The following MALRD1 variants were observed in gnomAD, a reference collection of about 807,000 sequenced individuals.
MALRD1 encodes MAM and LDL-receptor class A domain-containing protein 1.
MALRD1 carries 247 observed loss-of-function variants against 242.1 expected under a neutral mutation model. The ratio of observed to expected loss-of-function variants is 1.02; its 90% confidence interval spans 0.92 to 1.13. MALRD1 has a LOEUF of 1.13. Among genes scored for constraint, MALRD1 ranks in the 50% most tolerant of loss-of-function variants. MALRD1 has a pLI of 0.00. For missense variants in MALRD1, 2,989 were observed against 2,533.1 expected (o/e 1.18, Z -3.86); for synonymous variants, 995 against 866.6 (o/e 1.15, Z -2.60).
Position 19,530,386 on chromosome 10 carries a change from A to G in MALRD1, c.5321-808A>G, listed in dbSNP as rs1393586888. Among the ~76,000 whole-genome samples, 4 of 70,956 alleles carry G rather than the reference A, an allele frequency of 5.6e-5. 2 individuals carry two copies. The highest frequency in any genetic ancestry group is 8.8e-5 in the Non-Finnish European group (4 of 45,710). The allele number at this position is 70,956 out of a possible 152,430, so 46.5% of individuals were successfully genotyped here. A position where few individuals can be genotyped will look rare whatever the true frequency, so the allele number is the denominator to read the frequency against. On this transcript the variant is annotated intron_variant, in intron 31 of 39. Coordinates refer to ENST00000454679, the MANE Select transcript of MALRD1 (RefSeq NM_001142308.3). ...ATATAAATATTTATATAAATATTAT[A>G]TATTTATATAAATATTATATATTTA... is the stretch of plus-strand genomic sequence containing the variant.
intron 34 of MALRD1, among the ~76,000 whole-genome samples, chr10:19,603,807 A>G (rs1359812068): frequency 2.6e-5 from 4 of 152,130 alleles, no homozygotes; most frequent in Non-Finnish European, 5.9e-5. Context: ...GTGATCAGTG[A>G]TCTTTGATGT....
intron 18 of MALRD1, among the ~76,000 whole-genome samples, chr10:19,220,149 C>G (rs1238888023): frequency 1.3e-5 from 2 of 152,078 alleles, no homozygotes; most frequent in Non-Finnish European, 2.9e-5. Context: ...ATTTCTTTTT[C>G]TAGCAGGCCT....
intron 33 of MALRD1, among the ~76,000 whole-genome samples, 188 bp from the exon 34 acceptor site, chr10:19,595,006 C>A (rs2131557628): frequency 6.6e-6 from 1 of 152,180 alleles, no homozygotes; most frequent in African/African-American, 2.4e-5. Flanking sequence ...TTTTATGTTC[C>A]TGACATTATG....
At chr10:19,260,863 A>G (rs1409902042) in intron 19 of MALRD1, among the ~76,000 whole-genome samples, 1 of 152,182 alleles carries the variant, frequency 6.6e-6, no homozygotes, top group Non-Finnish European at 1.5e-5. Context: ...CACTAGTGTT[A>G]TAGGGCTCAT....
chr10:19,392,375 G>A (rs1192870251), intron 28 of MALRD1, among the ~76,000 whole-genome samples: 1 of 152,072 alleles, frequency 6.6e-6, no homozygotes, highest in Non-Finnish European at 1.5e-5. Flanking sequence ...GTTCCACACT[G>A]ACTTTAATAT....
At chr10:19,122,048 G>A (rs535104541) in intron 5 of MALRD1, among the ~76,000 whole-genome samples, 2 of 152,218 alleles carry the variant, frequency 1.3e-5, no homozygotes, top group Admixed American at 6.5e-5. Context: ...CAGCTGCACA[G>A]ATACAGGCTA....
At chr10:19,140,579 T>C (rs1029996053) in intron 10 of MALRD1, among the ~76,000 whole-genome samples, 1 of 113,260 alleles carries the variant, frequency 8.8e-6, no homozygotes. Flanking sequence ...GTGTATAAAA[T>C]GTATATGTGT....
At chr10:19,056,919 A>C (rs1834686100) in intron 1 of MALRD1, among the ~76,000 whole-genome samples, 1 of 152,186 alleles carries the variant, frequency 6.6e-6, no homozygotes, top group South Asian at 2.1e-4. Context: ...CTCCGAATCT[A>C]TTGAGATGAT....
chr10:19,721,527 T>C (rs2131908084), intron 38 of MALRD1: 1 of 152,330 alleles, frequency 6.6e-6, no homozygotes, highest in Non-Finnish European at 1.5e-5. Context: ...CATTCATTTT[T>C]ATGGTTAGGA....
At chr10:19,477,457 GAAATAAATAAATAAAT>G (rs60939811) in intron 29 of MALRD1, among the ~76,000 whole-genome samples, 3 of 149,994 alleles carry the variant, frequency 2.0e-5, no homozygotes, top group Non-Finnish European at 4.4e-5. Flanking sequence ...AGAGTAGTTG[GAAATAAATAAATAAAT>G]AAATAAATAA....
At chr10:19,263,394 G>T (rs1423566860) in intron 19 of MALRD1, among the ~76,000 whole-genome samples, 1 of 152,130 alleles carries the variant, frequency 6.6e-6, no homozygotes, top group Non-Finnish European at 1.5e-5. Context: ...GATCATTACT[G>T]ATAATGAGTG....
intron 19 of MALRD1, among the ~76,000 whole-genome samples, chr10:19,265,608 C>G (rs1281845579): frequency 6.6e-6 from 1 of 152,050 alleles, no homozygotes; most frequent in African/African-American, 2.4e-5. Flanking sequence ...TTCAAACTTC[C>G]TAATTTGTTA....
intron 38 of MALRD1, among the ~76,000 whole-genome samples, chr10:19,704,703 C>T (rs541630808): frequency 5.1e-4 from 78 of 152,246 alleles, no homozygotes; most frequent in African/African-American, 1.8e-3. Flanking sequence ...CAAATAATAC[C>T]CTCACTTTCT....
intron 1 of MALRD1, among the ~76,000 whole-genome samples, chr10:19,057,796 ATG>A (rs1418751600): frequency 6.6e-6 from 1 of 152,186 alleles, no homozygotes; most frequent in African/African-American, 2.4e-5. Flanking sequence ...ATCTAGGAAA[ATG>A]AGAGATAAAT....
Position 19,567,641 on chromosome 10 carries a change from G to C in MALRD1, c.5618G>C (p.Gly1873Ala). 2 of 1,550,714 alleles carry C rather than the reference G, an allele frequency of 1.3e-6. No homozygotes were observed. Among genetic ancestry groups the C allele is most frequent in the Non-Finnish European group, 1.7e-6 (2 of 1,146,964 alleles). The change falls in exon 33 of 40, where the codon GGA becomes GCA. Residue 1873 changes from glycine to alanine, a missense_variant. Transcript: ENST00000454679. ...GTGGCATTTGAAGCTGATTTGGATG[G>C]AAATGAGGACATCTTTATTGCTCTT... ...FKVAFEADLD[G>A]NEDIFIALDD...
At chr10:19,581,343 A>T (rs1472906677) in intron 33 of MALRD1, among the ~76,000 whole-genome samples, 2 of 146,934 alleles carry the variant, frequency 1.4e-5, no homozygotes, top group Non-Finnish European at 3.0e-5. Flanking sequence ...AGCATTAGGT[A>T]TATCTCCCAA....
chr10:19,159,763 C>A (rs549972434), intron 12 of MALRD1, among the ~76,000 whole-genome samples: 1 of 152,148 alleles, frequency 6.6e-6, no homozygotes, highest in Non-Finnish European at 1.5e-5. Context: ...ACTGTACAGA[C>A]ACGAGAGCCA....
intron 38 of MALRD1, among the ~76,000 whole-genome samples, chr10:19,714,733 C>A (rs1462171015): frequency 1.3e-5 from 2 of 151,992 alleles, no homozygotes; most frequent in African/African-American, 4.8e-5. Context: ...CGGGAATCAG[C>A]AAAACAGGGA....
Position 19,222,700 on chromosome 10 carries a change from C to T in MALRD1, c.2991+13020C>T, listed in dbSNP as rs76227096. Among the ~76,000 whole-genome samples the T allele has an allele frequency of 1.9e-3, 292 of 152,226 alleles. 9 individuals carry two copies. The East Asian group carries it at 0.047, about 25-fold the overall frequency. On this transcript the variant is annotated intron_variant, in intron 18 of 39. Coordinates refer to ENST00000454679, the MANE Select transcript of MALRD1 (RefSeq NM_001142308.3). ...GACCTCTGAAATGTCTCTTCTGATC[C>T]AGACTTGTTTGAATCATGTGCAACA...
Sources: gnomAD v4.1 joint callset for allele counts (sites outside exome capture counted in the v4.1 genomes callset) on GRCh38, gnomAD v4.1.1 for gene constraint, MANE v1.5 for transcripts, NCBI Gene and HGNC (gene_info 2026-07-23, HGNC 2026-07-21) for gene names.